Variants in CCDC7 observed in about 807,000 individuals in gnomAD.
CCDC7 encodes the protein coiled-coil domain-containing protein 7.
In CCDC7, 183 loss-of-function variants were observed where a neutral mutation model predicts 196.9. That is an observed-to-expected ratio of 0.93 (90% CI 0.82 to 1.05). CCDC7 has a LOEUF of 1.05. Ranked by LOEUF, CCDC7 falls within the 50% of genes least tolerant of loss-of-function variation. The probability of loss-of-function intolerance (pLI) is 0.00; values close to 1 mark genes in which losing one functional copy is unlikely to be tolerated. For missense variants in CCDC7, 1,540 were observed against 1,482.2 expected (o/e 1.04, Z -0.64); for synonymous variants, 525 against 484.6 (o/e 1.08, Z -1.10).
chr10:32,566,581 G>A (rs2056824499), intron 14 of CCDC7, among the ~76,000 whole-genome samples: 1 of 152,040 alleles, frequency 6.6e-6, no homozygotes, highest in African/African-American at 2.4e-5. Flanking sequence ...AGCATAAGAT[G>A]TAAGTGTGTA....
At chr10:32,865,768 A>G (rs1297452337) in intron 41 of CCDC7, among the ~76,000 whole-genome samples, 1 of 151,824 alleles carries the variant, frequency 6.6e-6, no homozygotes, top group Non-Finnish European at 1.5e-5. Flanking sequence ...CTCTAGTCAT[A>G]TGTTTGGTTT....
chr10:32,570,151 A>G (rs1165164551), intron 15 of CCDC7, among the ~76,000 whole-genome samples: 2 of 152,176 alleles, frequency 1.3e-5, no homozygotes, highest in Admixed American at 1.3e-4. Flanking sequence ...CAAATGAACC[A>G]ATTGCGCTCT....
chr10:32,518,113 G>C (rs2047332493), intron 10 of CCDC7, 138 bp downstream of exon 11: 1 of 1,116,622 alleles, frequency 9.0e-7, no homozygotes, highest in Admixed American at 3.1e-5. Context: ...ATGCATATGT[G>C]AACTTTCTGG....
chr10:32,616,825 T>C (rs2062828430), intron 18 of CCDC7, among the ~76,000 whole-genome samples: 1 of 151,924 alleles, frequency 6.6e-6, no homozygotes, highest in Non-Finnish European at 1.5e-5. Flanking sequence ...TGTTGAAGTA[T>C]GCTTTTTTTA....
intron 31 of CCDC7, among the ~76,000 whole-genome samples, chr10:32,819,456 C>T (rs1183649970): frequency 1.3e-5 from 2 of 152,174 alleles, no homozygotes; most frequent in Non-Finnish European, 2.9e-5. Flanking sequence ...TCCTCCCTAA[C>T]TCATTTTATG....
intron 24 of CCDC7, among the ~76,000 whole-genome samples, chr10:32,697,644 G>T (rs1158605786): frequency 6.6e-6 from 1 of 152,218 alleles, no homozygotes; most frequent in African/African-American, 2.4e-5. Flanking sequence ...CATTGCTGAG[G>T]CTTGACTAGG....
chr10:32,829,368 C>T lies in CCDC7; in HGVS notation c.3268+4764C>T, dbSNP rs2091854833. 2.0e-5 allele frequency among the ~76,000 whole-genome samples: 3 copies of T among 152,170 alleles called. No individual in the cohort carries two copies. In the South Asian group the frequency reaches 6.2e-4, roughly 31 times the overall value. On this transcript the variant is annotated intron_variant, in intron 32 of 41. Coordinates refer to ENST00000639629, the Ensembl canonical transcript of CCDC7. ...CCAATGCCAGCTACAACAATGTGAC[C>T]AGCTGCAGAAATGAGGACTGTAATT... is the stretch of plus-strand genomic sequence containing the variant.
chr10:32,857,776 A>G (rs894420790), intron 41 of CCDC7, among the ~76,000 whole-genome samples: 1 of 152,020 alleles, frequency 6.6e-6, no homozygotes, highest in Admixed American at 6.5e-5. Context: ...AATAAAGATT[A>G]GACCAGAATT....
intron 40 of CCDC7, 28 bp downstream of exon 41, chr10:32,851,960 T>A (rs1388866732): frequency 1.9e-6 from 3 of 1,560,110 alleles, no homozygotes; most frequent in Non-Finnish European, 2.6e-6. Context: ...TAGTGTACAG[T>A]GTGATTTTTA....
At chr10:32,687,051 C>A (rs1334199146) in intron 22 of CCDC7, among the ~76,000 whole-genome samples, 1 of 152,180 alleles carries the variant, frequency 6.6e-6, no homozygotes, top group Non-Finnish European at 1.5e-5. Context: ...TTGCTTTATA[C>A]CTACTTCCCT....
At chr10:32,629,509 A>G (rs528442935) in intron 18 of CCDC7, among the ~76,000 whole-genome samples, 31 of 152,192 alleles carry the variant, frequency 2.0e-4, no homozygotes, top group Admixed American at 3.3e-4. Context: ...ATAAACTACA[A>G]GAGAGAGAGT....
chr10:32,647,437 G>T (rs150289205), intron 20 of CCDC7, among the ~76,000 whole-genome samples: 5 of 16,736 alleles, frequency 3.0e-4, no homozygotes, highest in Admixed American at 1.7e-3. Flanking sequence ...TGAGCCCTGG[G>T]GGGTAGAGGT....
intron 20 of CCDC7, among the ~76,000 whole-genome samples, chr10:32,644,933 A>G (rs2067487908): frequency 1.3e-5 from 2 of 152,200 alleles, no homozygotes. Flanking sequence ...CAGAACCATG[A>G]GCCAATTAAA....
At chr10:32,527,740 C>T (rs1233663481) in intron 11 of CCDC7, among the ~76,000 whole-genome samples, 5 of 151,866 alleles carry the variant, frequency 3.3e-5, no homozygotes, top group African/African-American at 1.2e-4. Flanking sequence ...AGGGTAGTGA[C>T]CAAGAAATCT....
intron 20 of CCDC7, among the ~76,000 whole-genome samples, chr10:32,638,213 AC>A (rs2066017864): frequency 6.6e-6 from 1 of 152,078 alleles, no homozygotes; most frequent in South Asian, 2.1e-4. Context: ...CTAATTCAAT[AC>A]CCTTTATATC....
At chr10:32,748,812 G>A (rs2075229989) in intron 28 of CCDC7, among the ~76,000 whole-genome samples, 1 of 152,180 alleles carries the variant, frequency 6.6e-6, no homozygotes, top group Non-Finnish European at 1.5e-5. Flanking sequence ...CTGGTAAAAA[G>A]TACGTGTCCT....
chr10:32,703,843 C>T lies in CCDC7; in HGVS notation c.2459-7777C>T, dbSNP rs186975952. The stretch of plus-strand genomic sequence containing the variant: ...GCTTGTGCATTCGTCACGTAGTTCT[C>T]GTGCCTTGGTTTTCAGCTCCATCAT... On this transcript the variant is annotated intron_variant, in intron 24 of 41. Transcript: ENST00000639629. Among the ~76,000 whole-genome samples the T allele has an allele frequency of 8.0e-3, 1,213 of 152,174 alleles. 20 individuals carry two copies. Among genetic ancestry groups the T allele is most frequent in the Non-Finnish European group, 0.013 (885 of 67,998 alleles).
At chr10:32,622,438 T>C (rs1299736610) in intron 18 of CCDC7, among the ~76,000 whole-genome samples, 1 of 151,862 alleles carries the variant, frequency 6.6e-6, no homozygotes, top group Non-Finnish European at 1.5e-5. Flanking sequence ...ATTTAGATAA[T>C]AGACTGAAGG....
chr10:32,834,628 A>G (rs760622747), intron 32 of CCDC7, among the ~76,000 whole-genome samples, 187 bp from the exon 34 acceptor site: 3 of 150,582 alleles, frequency 2.0e-5, no homozygotes, highest in Non-Finnish European at 4.4e-5. Context: ...AATGCTTCCA[A>G]TTCTAAGGCT....
Sources: allele counts gnomAD v4.1 joint callset (sites outside exome capture counted in the v4.1 genomes callset), GRCh38; gene constraint gnomAD v4.1.1; transcripts MANE v1.5; gene names NCBI Gene and HGNC (gene_info 2026-07-23, HGNC 2026-07-21).